Variants in KDM2A observed in about 807,000 individuals in gnomAD.
The protein encoded by KDM2A is lysine demethylase 2A.
In KDM2A, 3 loss-of-function variants were observed where a neutral mutation model predicts 137.3. That is an observed-to-expected ratio of 0.02 (90% CI 0.01 to 0.06). The LOEUF (loss-of-function observed/expected upper bound fraction) is 0.06. Ranked by LOEUF, KDM2A falls within the 10% of genes least tolerant of loss-of-function variation. The pLI is 1.00. For synonymous variants in KDM2A, 512 were observed against 541.5 expected, an observed-to-expected ratio of 0.95 and a Z score of 0.76; for missense variants, 738 against 1,510.6, an observed-to-expected ratio of 0.49 and a Z score of 8.48.
intron 5 of KDM2A, chr11:67,196,167 C>T (rs146845597): frequency 2.3e-6 from 1 of 430,916 alleles, no homozygotes; most frequent in Non-Finnish European, 4.7e-6. Flanking sequence ...AGACATAATC[C>T]ACTACAGTGA....
intron 12 of KDM2A, among the ~76,000 whole-genome samples, chr11:67,236,176 G>C (rs183181441): frequency 6.6e-6 from 1 of 152,254 alleles, no homozygotes; most frequent in East Asian, 1.9e-4. Flanking sequence ...TGTCACCCAG[G>C]CCGAAGTGCA....
At chr11:67,158,234 C>T (rs1213626806) in intron 2 of KDM2A, among the ~76,000 whole-genome samples, 1 of 152,084 alleles carries the variant, frequency 6.6e-6, no homozygotes, top group African/African-American at 2.4e-5. Context: ...TTTATGGTTC[C>T]TCCATGTCTC....
chr11:67,202,712 C>T (rs1857665107), intron 5 of KDM2A, among the ~76,000 whole-genome samples: 1 of 151,682 alleles, frequency 6.6e-6, no homozygotes, highest in South Asian at 2.1e-4. Flanking sequence ...GGAGGCGGAG[C>T]TTGCAGTGAG....
intron 2 of KDM2A, among the ~76,000 whole-genome samples, chr11:67,178,749 T>C (rs1018476652): frequency 4.6e-5 from 7 of 152,220 alleles, no homozygotes; most frequent in Admixed American, 3.9e-4. Flanking sequence ...TTAAATGATA[T>C]CTCATTGTAT....
rs1859183502 is a variant in KDM2A at position 67,245,688 on chromosome 11, A to G, written c.1833+230A>G. On this transcript the variant is annotated intron_variant, in intron 14 of 20. Coordinates refer to ENST00000529006, the MANE Select transcript of KDM2A (RefSeq NM_012308.3). The surrounding 1 kb of genome is among the most constrained non-coding windows in gnomAD (Gnocchi z 4.1). ...CCTAATTTTCAAACAAGAGATTAGC[A>G]TTTGAAGGGCAAATCATTGCTTTCT... The G allele has an allele frequency of 1.6e-6, 1 of 614,950 alleles. No individual in the cohort carries two copies. Among genetic ancestry groups the G allele is most frequent in the African/African-American group, 1.8e-5 (1 of 54,182 alleles). 38.1% of individuals were successfully genotyped at this position (614,950 alleles called of 1,614,324 possible).
At chr11:67,136,788 A>G (rs1366720373) in intron 2 of KDM2A, among the ~76,000 whole-genome samples, 3 of 152,196 alleles carry the variant, frequency 2.0e-5, no homozygotes, top group Admixed American at 6.6e-5. Context: ...CCATGTTCAG[A>G]TACCATGTAG....
At chr11:67,165,483 A>C (rs1856719130) in intron 2 of KDM2A, among the ~76,000 whole-genome samples, 2 of 152,142 alleles carry the variant, frequency 1.3e-5, no homozygotes, top group Admixed American at 6.6e-5. Context: ...TAGATGTGAA[A>C]TTTCATAAAT....
At chr11:67,196,203 G>A in intron 5 of KDM2A, 1 of 449,344 alleles carries the variant, frequency 2.2e-6, no homozygotes, top group Admixed American at 2.4e-5. Flanking sequence ...AATCATCCAT[G>A]GTGCACGAGC....
chr11:67,166,723 C>G (rs565193993), intron 2 of KDM2A, among the ~76,000 whole-genome samples: 84 of 151,916 alleles, frequency 5.5e-4, no homozygotes, highest in Admixed American at 1.5e-3. Context: ...GGTGACCTCC[C>G]AGCAACTGGG....
intron 6 of KDM2A, among the ~76,000 whole-genome samples, chr11:67,210,230 G>A (rs1206469745): frequency 2.0e-5 from 3 of 151,522 alleles, no homozygotes; most frequent in East Asian, 1.9e-4. Flanking sequence ...GCATGATGGC[G>A]TCCCCCATGT....
intron 5 of KDM2A, among the ~76,000 whole-genome samples, chr11:67,193,655 G>C (rs1478412867): frequency 6.6e-6 from 1 of 152,120 alleles, no homozygotes; most frequent in African/African-American, 2.4e-5. Flanking sequence ...GAGGTCGGGA[G>C]TTCGAGACCA....
intron 2 of KDM2A, among the ~76,000 whole-genome samples, chr11:67,151,878 A>G (rs1230715801): frequency 2.0e-5 from 3 of 152,078 alleles, no homozygotes; most frequent in Non-Finnish European, 4.4e-5. Flanking sequence ...CTGCGTAGCT[A>G]GGACTATAGG....
chr11:67,198,903 C>A (rs1470664513), intron 5 of KDM2A, among the ~76,000 whole-genome samples: 5 of 151,880 alleles, frequency 3.3e-5, no homozygotes, highest in Non-Finnish European at 7.4e-5. Context: ...CTCTGCCTCC[C>A]GAGTAGCTGA....
At chr11:67,246,634 C>T (rs999753750) in intron 15 of KDM2A, among the ~76,000 whole-genome samples, 1 of 151,932 alleles carries the variant, frequency 6.6e-6, no homozygotes, top group Non-Finnish European at 1.5e-5. Context: ...TTGAGTCCAG[C>T]ATGGGCCTTG....
At chr11:67,158,769 G>A (rs761316863) in intron 2 of KDM2A, among the ~76,000 whole-genome samples, 3 of 152,018 alleles carry the variant, frequency 2.0e-5, no homozygotes, top group Non-Finnish European at 4.4e-5. Flanking sequence ...TATTATAGGC[G>A]TGAACCACCG....
intron 5 of KDM2A, among the ~76,000 whole-genome samples, chr11:67,192,443 T>TC (rs1857379683): frequency 7.9e-6 from 1 of 125,824 alleles, no homozygotes; most frequent in Non-Finnish European, 1.6e-5. Flanking sequence ...CTTTTTTTTT[T>TC]TTTTTTTTTT....
intron 5 of KDM2A, among the ~76,000 whole-genome samples, chr11:67,201,887 C>T (rs1387497003): frequency 1.3e-5 from 2 of 149,540 alleles, no homozygotes; most frequent in Non-Finnish European, 3.0e-5. Context: ...CCCAGGAATT[C>T]GAGGTTGCAA....
chr11:67,231,450 A>C, intron 11 of KDM2A, 116 bp from the exon 12 acceptor site: 1 of 930,578 alleles, frequency 1.1e-6, no homozygotes. Flanking sequence ...CCATTTTTTT[A>C]AATGTGGTAA....
Position 67,156,844 on chromosome 11 carries a change from G to A in KDM2A, c.43-23235G>A, listed in dbSNP as rs11227717. ...TCGGAGGTTGCAGTGAGCCGAGATC[G>A]CGCCACTGCACTTCATCCAGCCTGC... On this transcript the variant is annotated intron_variant, in intron 2 of 20. Coordinates refer to ENST00000529006, the MANE Select transcript of KDM2A (RefSeq NM_012308.3). 5.2e-4 allele frequency among the ~76,000 whole-genome samples: 79 copies of A among 152,000 alleles called. 1 individual carries two copies. The highest frequency in any genetic ancestry group is 5.9e-5 in the Non-Finnish European group (4 of 67,984).
Sources: allele counts gnomAD v4.1 joint callset (sites outside exome capture counted in the v4.1 genomes callset), GRCh38; gene constraint gnomAD v4.1.1; non-coding constraint Gnocchi (gnomAD v3.1); transcripts MANE v1.5; gene names NCBI Gene and HGNC (gene_info 2026-07-23, HGNC 2026-07-21).